Variants in POR observed in about 807,000 individuals in gnomAD.
POR encodes cytochrome p450 oxidoreductase, also known as NADPH--cytochrome P450 reductase.
Under a neutral mutation model 84.0 loss-of-function variants are expected in POR, and 56 were observed. The ratio of observed to expected loss-of-function variants is 0.67; its 90% CI spans 0.54 to 0.83. The LOEUF (loss-of-function observed/expected upper bound fraction) is 0.83. POR is among the 40% of genes least tolerant of loss of function. POR has a pLI of 0.00. For missense variants in POR, 938 were observed against 944.3 expected (o/e 0.99, Z 0.09); for synonymous variants, 414 against 400.5 (o/e 1.03, Z -0.40).
In POR at chr7:75,982,338, G is replaced by A. The variant is rs781936369; in HGVS notation, c.830+16G>A. ...ACCAGAAGCCGTGAGTGGAGGGAGC[G>A]TGGCTTGGGGCAGACGGCTCTATGG... On this transcript the variant is annotated intron_variant, in intron 8 of 15. Transcript: ENST00000461988. 72 of 1,599,152 alleles carry A rather than the reference G, an allele frequency of 4.5e-5. No individual in the cohort carries two copies. The highest frequency in any genetic ancestry group is 1.2e-4 in the South Asian group (11 of 89,180).
Position 75,936,028 on chromosome 7 carries a change from C to T in POR, c.-4-17961C>T, listed in dbSNP as rs190663021. Among the ~76,000 whole-genome samples the T allele has an allele frequency of 2.5e-3, 375 of 151,778 alleles. 2 individuals are homozygous for T. Among genetic ancestry groups the T allele is most frequent in the African/African-American group, 8.7e-3 (361 of 41,368 alleles). ...ACCACCTAAAGAAGGGATCAAGTAC[C>T]TCTGAATCTTCTTTTCTTAGGATTA... is the stretch of plus-strand genomic sequence containing the variant. On this transcript the variant is annotated intron_variant, in intron 1 of 15. Coordinates refer to ENST00000461988, the MANE Select transcript of POR (RefSeq NM_000941.3).
chr7:75,959,447 G>C (rs1192592812), intron 2 of POR, among the ~76,000 whole-genome samples: 1 of 152,156 alleles, frequency 6.6e-6, no homozygotes, highest in African/African-American at 2.4e-5. Context: ...GTGGCTTCTA[G>C]AATTGGCATT....
intron 3 of POR, 67 bp from the exon 4 acceptor site, chr7:75,979,384 G>C: frequency 1.3e-6 from 2 of 1,578,508 alleles, no homozygotes; most frequent in Non-Finnish European, 1.7e-6. Context: ...GGCCTGCCCA[G>C]TGGGTGTTCA....
At chr7:75,935,620 TGTGTGTGTGTGTGTGTG>T (rs1419929778) in intron 1 of POR, among the ~76,000 whole-genome samples, 3 of 6,446 alleles carry the variant, frequency 4.7e-4, no homozygotes, top group African/African-American at 2.9e-3. Flanking sequence ...GCTCGGGGCT[TGTGTGTGTGTGTGTGTG>T]TGTGTGTGTG....
Position 75,983,609 on chromosome 7 carries a change from A to G in POR, c.920A>G (p.Glu307Gly). ...ACCGAGCGCCACCTCATGCACCTGG[A>G]ATTGGACATCTCGGACTCCAAAATC... The change falls in exon 9 of 16, where the codon GAA (glutamate) becomes GGA (glycine). Residue 307 changes from glutamate to glycine, a missense_variant. By Grantham distance (98) the Glu-to-Gly change is moderately conservative. Transcript: ENST00000461988. 1 of 1,612,980 alleles carries G rather than the reference A, an allele frequency of 6.2e-7. No individual in the cohort carries two copies. The highest frequency in any genetic ancestry group is 8.5e-7 in the Non-Finnish European group (1 of 1,179,796).
rs545968903 is a variant in POR, at chr7:75,986,043, C to T, written c.1790C>T (p.Ala597Val). The T allele has an allele frequency of 3.2e-6, 5 of 1,560,398 alleles. No individual in the cohort carries two copies. In the African/African-American group the frequency reaches 4.1e-5, roughly 13 times the overall value. ...GGTGCGCTCACCCAGCTCAACGTGG[C>T]CTTCTCCCGGGAGCAGTCCCACAAG... The change falls in exon 14 of 16, where the codon GCC becomes GTC. Residue 597 changes from alanine (A) to valine (V), a missense_variant. Ala to Val is a moderately conservative substitution (Grantham distance 64). Transcript: ENST00000461988.
At chr7:75,963,602 G>T (rs925029278) in intron 2 of POR, among the ~76,000 whole-genome samples, 12 of 152,236 alleles carry the variant, frequency 7.9e-5, no homozygotes, top group Admixed American at 3.9e-4. Flanking sequence ...TGGCACAGTG[G>T]GACATGTGCT....
chr7:75,917,130 C>A (rs1806608672), intron 1 of POR, among the ~76,000 whole-genome samples: 2 of 151,380 alleles, frequency 1.3e-5, no homozygotes, highest in Non-Finnish European at 2.9e-5. Context: ...TGCAGTGGCG[C>A]AATCATAGCT....
intron 3 of POR, among the ~76,000 whole-genome samples, chr7:75,973,072 C>CTCAA (rs1171403223): frequency 1.3e-5 from 2 of 152,224 alleles, no homozygotes; most frequent in African/African-American, 4.8e-5. Flanking sequence ...ATCCGCCCGC[C>CTCAA]TCAGCCTCCC....
At chr7:75,922,200 G>T (rs1318856256) in intron 1 of POR, among the ~76,000 whole-genome samples, 1 of 152,096 alleles carries the variant, frequency 6.6e-6, no homozygotes. Context: ...CCAGGCATAA[G>T]GTAGGCACTT....
Position 75,981,490 on chromosome 7 carries a change from G to A in POR, c.642-27G>A, listed in dbSNP as rs2286820. On this transcript the variant is annotated intron_variant, in intron 6 of 15. Coordinates refer to ENST00000461988, the MANE Select transcript of POR (RefSeq NM_000941.3). Reference sequence around the variant, plus strand: ...TTGCCACATGGGCCTCCCCTGAGCCGCTCCCCCTCTCCTCTCCTCGGCCCA... The same window carrying A: ...TTGCCACATGGGCCTCCCCTGAGCCACTCCCCCTCTCCTCTCCTCGGCCCA... 0.015 allele frequency: 23,345 copies of A among 1,596,378 alleles called. 243 individuals carry two copies. The highest frequency in any genetic ancestry group is 0.045 in the Admixed American group (2,585 of 57,776).
chr7:75,931,061 C>T (rs1218020074), intron 1 of POR, among the ~76,000 whole-genome samples: 1 of 150,734 alleles, frequency 6.6e-6, no homozygotes, highest in Admixed American at 6.6e-5. Flanking sequence ...GGCCTCAATC[C>T]ATCCTCCCGC....
intron 1 of POR, among the ~76,000 whole-genome samples, chr7:75,939,430 G>A (rs1358783686): frequency 2.6e-5 from 4 of 152,086 alleles, no homozygotes; most frequent in Admixed American, 6.6e-5. Context: ...CAAGGCTTTC[G>A]GAGTACATCT....
Position 75,979,530 on chromosome 7 carries a change from A to G in POR, c.317A>G (p.His106Arg), listed in dbSNP as rs200622912. Residue 106 changes from histidine to arginine, a missense_variant, in exon 4 of 16, where the codon CAC becomes CGC. Coordinates refer to ENST00000461988, the MANE Select transcript of POR (RefSeq NM_000941.3). Reference sequence around the variant, plus strand: ...GCCAACCGCCTGTCCAAGGACGCCCACCGCTACGGGATGCGAGGCATGTCA... The same window carrying G: ...GCCAACCGCCTGTCCAAGGACGCCCGCCGCTACGGGATGCGAGGCATGTCA... 264 of 1,613,604 alleles carry G rather than the reference A, an allele frequency of 1.6e-4. 1 individual carries two copies. The African/African-American group carries it at 3.0e-3, about 18-fold the overall frequency.
intron 1 of POR, among the ~76,000 whole-genome samples, chr7:75,938,006 G>A (rs112675492): frequency 0.04 from 6,145 of 152,244 alleles, 407 homozygotes; most frequent in African/African-American, 0.14. Context: ...AAGCAGGCAC[G>A]GGGAGCTGCA....
At chr7:75,976,922 C>T (rs186451582) in intron 3 of POR, among the ~76,000 whole-genome samples, 24 of 152,184 alleles carry the variant, frequency 1.6e-4, no homozygotes, top group Non-Finnish European at 2.9e-5. Flanking sequence ...TCAATCACAG[C>T]TCACTTCAGC....
chr7:75,980,962 T>C, intron 5 of POR, 86 bp from the exon 6 acceptor site: 13 of 1,433,780 alleles, frequency 9.1e-6, no homozygotes, highest in Non-Finnish European at 1.2e-5. Context: ...CAGCCAGTGC[T>C]GTGGGGCCTC....
rs1351065404 is a variant in POR at position 75,986,324 on chromosome 7, T to A, written c.1899-13T>A. On this transcript the variant is annotated splice_polypyrimidine_tract_variant and intron_variant, in intron 15 of 15. Transcript: ENST00000461988. ...AGTTGGCCCAGCCCCCAGCACCCCC[T>A]CTTCCTGCCCAGGGATGCACGGAAC... 1 of 1,612,590 alleles carries A rather than the reference T, an allele frequency of 6.2e-7. No homozygotes were observed.
chr7:75,941,031 AG>A (rs1554551433), intron 1 of POR, among the ~76,000 whole-genome samples: 3 of 152,066 alleles, frequency 2.0e-5, no homozygotes, highest in African/African-American at 7.2e-5. Context: ...TAGCTCGGTG[AG>A]GTGGTGCATA....
Sources: allele counts gnomAD v4.1 joint callset (sites outside exome capture counted in the v4.1 genomes callset), GRCh38; gene constraint gnomAD v4.1.1; transcripts MANE v1.5; gene names NCBI Gene and HGNC (gene_info 2026-07-23, HGNC 2026-07-21).